SORBS2: variants seen among roughly 807,000 people sequenced by gnomAD.
SORBS2 encodes sorbin and SH3 domain-containing protein 2.
SORBS2 carries 46 observed loss-of-function variants against 97.7 expected under a neutral mutation model. That is an observed-to-expected ratio of 0.47 (90% CI 0.37 to 0.60). SORBS2 has a LOEUF of 0.60. Among genes scored for constraint, SORBS2 ranks in the 20% least tolerant of loss-of-function variants. The pLI is 0.00. For synonymous variants in SORBS2, 476 were observed against 473.4 expected (o/e 1.01, Z -0.07); for missense variants, 1,316 against 1,282.3 (o/e 1.03, Z -0.40).
chr4:185,824,280 A>G (rs935716832), intron 1 of SORBS2, among the ~76,000 whole-genome samples: 23 of 152,094 alleles, frequency 1.5e-4, no homozygotes, highest in Non-Finnish European at 2.5e-4. Context: ...GTGGCAGTGT[A>G]ACCCCAATCT....
chr4:185,614,864 G>T (rs1278180629), exon 11 of SORBS2: 1 of 1,614,182 alleles, frequency 6.2e-7, no homozygotes. Context: ...TTGTGTCTGC[G>T]TTGAAGTTGT....
chr4:185,706,793 T>C (rs927986909), intron 2 of SORBS2, among the ~76,000 whole-genome samples: 19 of 152,230 alleles, frequency 1.2e-4, no homozygotes, highest in Admixed American at 2.0e-4. Context: ...TAATGCTGCA[T>C]ATAATTACAT....
rs751359712 is a variant in SORBS2, at chr4:185,623,155, G to C, written c.1974C>G (p.Asn658Lys). ...CACTGATGAGGCGGTGCAGGATGCTGTTGTCCGGCAAGCTCCCCCTTTTCT... is the reference window on the plus strand; with the variant it reads ...CACTGATGAGGCGGTGCAGGATGCTCTTGTCCGGCAAGCTCCCCCTTTTCT... Residue 658 changes from asparagine (N) to lysine (K), a missense_variant, in exon 7 of 15, where the codon AAC (asparagine) becomes AAG (lysine). Coordinates refer to ENST00000418609, the Ensembl canonical transcript of SORBS2. The surrounding 1 kb of genome is among the most constrained non-coding windows in gnomAD (Gnocchi z 6.4). The C allele has an allele frequency of 6.2e-7, 1 of 1,614,172 alleles. No individual in the cohort carries two copies. The highest frequency in any genetic ancestry group is 8.5e-7 in the Non-Finnish European group (1 of 1,180,018).
chr4:185,682,016 G>A (rs1287535018), intron 2 of SORBS2, among the ~76,000 whole-genome samples: 1 of 152,150 alleles, frequency 6.6e-6, no homozygotes, highest in African/African-American at 2.4e-5. Context: ...ATTTTAAAAT[G>A]TTGATTAAAT....
At chr4:185,689,991 A>G (rs372209315) in intron 2 of SORBS2, among the ~76,000 whole-genome samples, 10 of 152,258 alleles carry the variant, frequency 6.6e-5, no homozygotes, top group African/African-American at 2.2e-4. Context: ...CAAAGCATGT[A>G]TCATGAACAC....
intron 2 of SORBS2, among the ~76,000 whole-genome samples, chr4:185,755,980 T>C (rs6835720): frequency 0.32 from 48,355 of 152,082 alleles, 8,074 homozygotes; most frequent in African/African-American, 0.4. Flanking sequence ...AAAAGAGGTC[T>C]CAGATTTTTA....
intron 9 of SORBS2, among the ~76,000 whole-genome samples, chr4:185,617,803 T>C (rs1030821841): frequency 6.6e-6 from 1 of 152,222 alleles, no homozygotes; most frequent in African/African-American, 2.4e-5. Flanking sequence ...GAGAAAACTT[T>C]GCTCAGAATC....
rs933506801 is a variant in SORBS2 at position 185,757,986 on chromosome 4, G to A, written c.-198+17241C>T. ...TAAGAAATGGAAACTGCTATGGATT[G>A]TTAACATAGAGACTGATGACCAGAT... On this transcript the variant is annotated intron_variant, in intron 2 of 20. Coordinates refer to the SORBS2 transcript ENST00000284776. Among the ~76,000 whole-genome samples, 4 of 152,314 alleles carry A rather than the reference G, an allele frequency of 2.6e-5. No individual in the cohort carries two copies. In the South Asian group the frequency reaches 8.3e-4, roughly 32 times the overall value.
Position 185,606,034 on chromosome 4 carries a change from G to A in SORBS2, c.2796+5746C>T, listed in dbSNP as rs114477181. On this transcript the variant is annotated intron_variant, in intron 12 of 14. Transcript: ENST00000418609. The surrounding 1 kb of genome is among the most constrained non-coding windows in gnomAD (Gnocchi z 4.3). ...AAGAGAACGACCTCTTTAGAAAATC[G>A]AAAGGGGACAGAAGTGCTGTTTTTC... 94 of 946,980 alleles carry A rather than the reference G, an allele frequency of 9.9e-5. No individual in the cohort carries two copies. Among genetic ancestry groups the A allele is most frequent in the Non-Finnish European group, 1.0e-4 (82 of 795,040 alleles). The allele number at this position is 946,980 out of a possible 1,614,324, so 58.7% of individuals were successfully genotyped here.
intron 1 of SORBS2, among the ~76,000 whole-genome samples, chr4:185,914,500 T>A (rs560679279): frequency 5.3e-5 from 8 of 152,256 alleles, no homozygotes; most frequent in Non-Finnish European, 1.2e-4. Context: ...CATACCGGAA[T>A]GTTATTCACC....
chr4:185,856,950 A>G (rs1282053448), intron 1 of SORBS2, among the ~76,000 whole-genome samples: 1 of 152,118 alleles, frequency 6.6e-6, no homozygotes, highest in African/African-American at 2.4e-5. Context: ...ATCATGAGAA[A>G]AGCTTGGGGG....
intron 2 of SORBS2, among the ~76,000 whole-genome samples, chr4:185,681,500 G>GA (rs994597482): frequency 2.0e-5 from 3 of 151,944 alleles, no homozygotes; most frequent in Non-Finnish European, 4.4e-5. Context: ...ATTCACTTGT[G>GA]AAAAAAACAC....
At chr4:185,704,673 C>T (rs559350681) in intron 2 of SORBS2, among the ~76,000 whole-genome samples, 6 of 151,638 alleles carry the variant, frequency 4.0e-5, no homozygotes, top group African/African-American at 1.5e-4. Context: ...CATTCTACTC[C>T]ACAAATTACC....
chr4:185,718,118 C>T lies in SORBS2; in HGVS notation c.-197-39296G>A, dbSNP rs561867809. Among the ~76,000 whole-genome samples the T allele has an allele frequency of 7.2e-5, 11 of 152,192 alleles. No homozygotes were observed. The East Asian group carries it at 2.1e-3, about 29-fold the overall frequency. On this transcript the variant is annotated intron_variant, in intron 2 of 20. Coordinates refer to the SORBS2 transcript ENST00000284776. Reference sequence around the variant, plus strand: ...TGGTGGCGGGCGCCTATAATCCCAGCTACTCGGGAGGCTGAGGCAGGAGAA... The same window carrying T: ...TGGTGGCGGGCGCCTATAATCCCAGTTACTCGGGAGGCTGAGGCAGGAGAA...
chr4:185,595,703 A>AT (rs1428857890), intron 12 of SORBS2, among the ~76,000 whole-genome samples: 1 of 151,042 alleles, frequency 6.6e-6, no homozygotes, highest in Non-Finnish European at 1.5e-5. Flanking sequence ...GTGTCTACAT[A>AT]TCATAGTTTT....
At chr4:185,914,248 AATAAGT>A (rs372834854) in intron 1 of SORBS2, among the ~76,000 whole-genome samples, 4 of 152,236 alleles carry the variant, frequency 2.6e-5, no homozygotes, top group African/African-American at 7.2e-5. Flanking sequence ...GAAAGTTAGA[AATAAGT>A]ATATTTTCTC....
chr4:185,631,789 A>G (rs1046577213), intron 4 of SORBS2, among the ~76,000 whole-genome samples: 5 of 137,520 alleles, frequency 3.6e-5, no homozygotes, highest in Non-Finnish European at 5.9e-5. Context: ...AAAACAACAA[A>G]AAAACAAAAC....
At chr4:185,591,477 A>T (rs553909997) in intron 13 of SORBS2, among the ~76,000 whole-genome samples, 259 of 152,306 alleles carry the variant, frequency 1.7e-3, no homozygotes, top group Non-Finnish European at 2.4e-3. Context: ...GGATGTTTGC[A>T]TGTGGCCAGC....
At chr4:185,787,518 C>T (rs2099061784) in intron 1 of SORBS2, among the ~76,000 whole-genome samples, 1 of 152,154 alleles carries the variant, frequency 6.6e-6, no homozygotes, top group Non-Finnish European at 1.5e-5. Context: ...TCTATATAGC[C>T]TCTCTATTTT....
Sources: allele counts gnomAD v4.1 joint callset (sites outside exome capture counted in the v4.1 genomes callset), GRCh38; gene constraint gnomAD v4.1.1; non-coding constraint Gnocchi (gnomAD v3.1); transcripts MANE v1.5; gene names NCBI Gene and HGNC (gene_info 2026-07-23, HGNC 2026-07-21).